PP2D1: variants seen among roughly 807,000 people sequenced by gnomAD.
PP2D1 encodes the protein protein phosphatase 2C like domain containing 1, also known as protein phosphatase 2C-like domain-containing protein 1.
A neutral mutation model predicts 30.2 loss-of-function variants in PP2D1; 25 were observed. The ratio of observed to expected loss-of-function variants is 0.83; its 90% CI spans 0.60 to 1.16. PP2D1 has a LOEUF of 1.16. Among genes scored for constraint, PP2D1 ranks in the 50% most tolerant of loss-of-function variants. The probability of loss-of-function intolerance (pLI) is 0.00; values close to 1 mark genes in which losing one functional copy is unlikely to be tolerated. For synonymous variants in PP2D1, 260 were observed against 258.9 expected, an observed-to-expected ratio of 1.00 and a Z score of -0.04; for missense variants, 760 against 742.4, an observed-to-expected ratio of 1.02 and a Z score of -0.28.
At position 20,001,314 on chromosome 3, in the gene PP2D1, A is replaced by G. The variant is rs199957786; in HGVS notation, c.806T>C (p.Ile269Thr). The change falls in exon 2 of 3, where the codon ATA (isoleucine) becomes ACA (threonine). Residue 269 changes from isoleucine (I) to threonine (T), a missense_variant. Physicochemically the swap from Ile to Thr is moderately conservative, Grantham distance 89. Around this residue, in one of 3 missense-constraint regions of PP2D1, gnomAD observed 374 missense variants for 388.8 expected, o/e 0.96. Coordinates refer to ENST00000389050, the MANE Select transcript of PP2D1 (RefSeq NM_001252657.2). ...YAAIEDLFSA[I>T]NKTEAVRCEY... The stretch of plus-strand genomic sequence containing the variant: ...ACACCTCACTGCTTCTGTTTTGTTT[A>G]TGGCAGAAAAGAGGTCTTCTATTGC... 2.9e-4 allele frequency: 450 copies of G among 1,535,590 alleles called. 7 individuals carry two copies. The South Asian group carries it at 4.9e-3, about 17-fold the overall frequency.
chr3:19,995,555 C>T (rs9877801), intron 2 of PP2D1, among the ~76,000 whole-genome samples: 29,733 of 152,100 alleles, frequency 0.2, 2,934 homozygotes, highest in African/African-American at 0.26. Context: ...CCACCAAGTT[C>T]GTGGTAACTT....
At chr3:19,997,199 A>G (rs1469755789) in intron 2 of PP2D1, among the ~76,000 whole-genome samples, 4 of 147,698 alleles carry the variant, frequency 2.7e-5, no homozygotes, top group African/African-American at 1.0e-4. Context: ...ACTACTGAGT[A>G]TGATAAATAG....
intron 2 of PP2D1, among the ~76,000 whole-genome samples, chr3:19,999,578 G>A (rs1396564408): frequency 2.8e-5 from 4 of 144,312 alleles, no homozygotes; most frequent in South Asian, 2.2e-4. Flanking sequence ...TAGTAAAGAC[G>A]GGGTTTCACT....
At position 20,006,232 on chromosome 3, in the gene PP2D1, C is replaced by T. The variant is rs573086611; in HGVS notation, c.24-4136G>A. ...CTGCACTCCAGCCTGGGCGACAGAG[C>T]GAGACACTGTTCAAAAACAAAAACA... On this transcript the variant is annotated intron_variant, in intron 1 of 2. Coordinates refer to ENST00000389050, the MANE Select transcript of PP2D1 (RefSeq NM_001252657.2). Among the ~76,000 whole-genome samples, 5 of 152,232 alleles carry T rather than the reference C, an allele frequency of 3.3e-5. No individual in the cohort carries two copies. In the East Asian group the frequency reaches 5.8e-4, roughly 18 times the overall value.
At chr3:19,995,237 G>A (rs950021650) in intron 2 of PP2D1, among the ~76,000 whole-genome samples, 7 of 152,108 alleles carry the variant, frequency 4.6e-5, no homozygotes, top group African/African-American at 1.7e-4. Context: ...AAGTTTTTGC[G>A]GTTGTAGTTA....
chr3:20,003,644 T>G (rs950948599), intron 1 of PP2D1, among the ~76,000 whole-genome samples: 2 of 151,860 alleles, frequency 1.3e-5, no homozygotes, highest in Non-Finnish European at 2.9e-5. Flanking sequence ...CTTGGGAGGC[T>G]GAGGCGGGAG....
At chr3:20,008,443 T>C (rs1697348515) in intron 1 of PP2D1, among the ~76,000 whole-genome samples, 1 of 152,058 alleles carries the variant, frequency 6.6e-6, no homozygotes, top group African/African-American at 2.4e-5. Context: ...GGCTCATGTC[T>C]GTAATCCGAG....
chr3:19,989,364 T>C (rs995920136), intron 2 of PP2D1, among the ~76,000 whole-genome samples: 4 of 152,164 alleles, frequency 2.6e-5, no homozygotes, highest in Non-Finnish European at 5.9e-5. Context: ...GTGTCAGATA[T>C]AGACAGAAAC....
rs144559791 is a variant in PP2D1, at chr3:19,996,996, T to A, written c.1090+4034A>T. 2.7e-3 allele frequency: 395 copies of A among 148,676 alleles called. 2 individuals are homozygous for A. The highest frequency in any genetic ancestry group is 9.2e-3 in the African/African-American group (369 of 40,134). 9.2% of individuals were successfully genotyped at this position (148,676 alleles called of 1,614,324 possible). A position where few individuals can be genotyped will look rare whatever the true frequency, so the allele number is the denominator to read the frequency against. On this transcript the variant is annotated intron_variant, in intron 2 of 2. Coordinates refer to ENST00000389050, the MANE Select transcript of PP2D1 (RefSeq NM_001252657.2). ...GATAACCTCAATAGATGGCCAAAAA[T>A]TTTTTTGATAAATTTAACATCTCTT...
downstream of PP2D1, chr3:19,984,820 T>C (rs1458726883): frequency 6.5e-6 from 1 of 153,068 alleles, no homozygotes; most frequent in Non-Finnish European, 1.5e-5. Context: ...AGCTAATTAT[T>C]TCTCTCTCCC....
At chr3:19,992,745 T>C (rs1294285645) in intron 2 of PP2D1, among the ~76,000 whole-genome samples, 1 of 152,230 alleles carries the variant, frequency 6.6e-6, no homozygotes, top group African/African-American at 2.4e-5. Flanking sequence ...TGTATAATGC[T>C]TTGATGAGCT....
At chr3:19,988,234 G>A (rs1289418422) in intron 2 of PP2D1, among the ~76,000 whole-genome samples, 2 of 152,144 alleles carry the variant, frequency 1.3e-5, no homozygotes, top group South Asian at 2.1e-4. Context: ...TCTTACAAAA[G>A]CAAATAGGAG....
chr3:20,001,280 C>G lies in PP2D1; in HGVS notation c.840G>C (p.Glu280Asp), dbSNP rs1450764821. The change falls in exon 2 of 3, where the codon GAG becomes GAC. Residue 280 changes from glutamate to aspartate, a missense_variant. Physicochemically the swap from Glu to Asp is conservative, Grantham distance 45 (BLOSUM62 2). This residue lies in a region of PP2D1 where 374 missense variants were observed against 388.8 expected (regional missense o/e 0.96). Coordinates refer to ENST00000389050, the MANE Select transcript of PP2D1 (RefSeq NM_001252657.2). The stretch of plus-strand genomic sequence containing the variant: ...CTTTTGCAAAGGCTTTGTGTGTGTC[C>G]TCATACTCACACCTCACTGCTTCTG... ...NKTEAVRCEY[E>D]DTHKAFAKAF... 6.5e-7 allele frequency: 1 copy of G among 1,535,894 alleles called. No individual in the cohort carries two copies. The highest frequency in any genetic ancestry group is 1.4e-5 in the African/African-American group (1 of 73,036).
downstream of PP2D1, chr3:19,984,367 C>T: frequency 5.5e-6 from 2 of 360,512 alleles, no homozygotes; most frequent in East Asian, 1.8e-4. Context: ...TATACAAGGT[C>T]AGGGGTGGGG....
At chr3:20,007,168 G>A (rs375272835) in intron 1 of PP2D1, among the ~76,000 whole-genome samples, 51 of 151,980 alleles carry the variant, frequency 3.4e-4, no homozygotes, top group African/African-American at 2.9e-4. Flanking sequence ...CACCGCACCC[G>A]GGCCCTCCTG....
intron 1 of PP2D1, among the ~76,000 whole-genome samples, chr3:20,006,990 TAC>T (rs199720604): frequency 0.13 from 18,446 of 142,974 alleles, 1,217 homozygotes; most frequent in Middle Eastern, 0.17. Flanking sequence ...TATATATGTA[TAC>T]ACACACACAC....
At chr3:19,988,101 A>C (rs913630558) in intron 2 of PP2D1, among the ~76,000 whole-genome samples, 3 of 152,200 alleles carry the variant, frequency 2.0e-5, no homozygotes, top group African/African-American at 7.2e-5. Flanking sequence ...ATGTGTGTTT[A>C]AACAATATGA....
At chr3:19,987,944 T>C (rs1056401272) in intron 2 of PP2D1, among the ~76,000 whole-genome samples, 4 of 152,226 alleles carry the variant, frequency 2.6e-5, no homozygotes, top group Admixed American at 1.3e-4. Flanking sequence ...GAAGATTTCA[T>C]GGACATTTAT....
downstream of PP2D1, among the ~76,000 whole-genome samples, chr3:19,981,454 A>G (rs542859597): frequency 3.9e-5 from 6 of 152,182 alleles, no homozygotes; most frequent in South Asian, 4.1e-4. Context: ...TCTCTACTAA[A>G]AATAGAAAAA....
Sources: allele counts gnomAD v4.1 joint callset (sites outside exome capture counted in the v4.1 genomes callset), GRCh38; gene constraint gnomAD v4.1.1; regional missense constraint gnomAD v4.1.1; transcripts MANE v1.5; gene names NCBI Gene and HGNC (gene_info 2026-07-23, HGNC 2026-07-21).